The following IQGAP2 variants were observed in gnomAD, a reference collection of about 807,000 sequenced individuals.
IQGAP2 encodes the protein IQ motif containing GTPase activating protein 2.
A neutral mutation model predicts 201.3 loss-of-function variants in IQGAP2; 173 were observed. That is an observed-to-expected ratio of 0.86 (90% confidence interval 0.76 to 0.98). The LOEUF is 0.98. IQGAP2 is among the 50% of genes least tolerant of loss of function. The probability of loss-of-function intolerance (pLI) is 0.00; values close to 1 mark genes in which losing one functional copy is unlikely to be tolerated. For synonymous variants in IQGAP2, 675 were observed against 673.9 expected (o/e 1.00, Z -0.03); for missense variants, 1,687 against 1,864.8 (o/e 0.90, Z 1.76).
intron 1 of IQGAP2, among the ~76,000 whole-genome samples, chr5:76,461,139 A>G (rs1754426034): frequency 6.6e-6 from 1 of 151,962 alleles, no homozygotes. Flanking sequence ...CAGCCTTCCA[A>G]AGTGCTGGGA....
intron 1 of IQGAP2, among the ~76,000 whole-genome samples, chr5:76,447,250 A>C (rs1213536737): frequency 6.6e-6 from 1 of 152,176 alleles, no homozygotes; most frequent in African/African-American, 2.4e-5. Context: ...GAGGCTTGCA[A>C]CTTAGCTCAC....
chr5:76,573,997 G>A (rs1214170639), intron 4 of IQGAP2, among the ~76,000 whole-genome samples: 1 of 151,928 alleles, frequency 6.6e-6, no homozygotes, highest in African/African-American at 2.4e-5. Flanking sequence ...AAATTTCTTA[G>A]GCTACTGCCA....
At chr5:76,632,183 G>A (rs1267834933) in intron 15 of IQGAP2, among the ~76,000 whole-genome samples, 157 bp downstream of exon 15, 1 of 152,102 alleles carries the variant, frequency 6.6e-6, no homozygotes, top group African/African-American at 2.4e-5. Flanking sequence ...AGTTTTAGAT[G>A]TTTCTTTTTA....
intron 2 of IQGAP2, among the ~76,000 whole-genome samples, chr5:76,526,052 T>C (rs147565286): frequency 9.2e-5 from 14 of 152,326 alleles, no homozygotes; most frequent in African/African-American, 3.1e-4. Flanking sequence ...AAACAAGAGC[T>C]TGTGGATCTC....
Position 76,682,516 on chromosome 5 carries a change from A to G in IQGAP2, c.3661-599A>G, listed in dbSNP as rs538034286. Among the ~76,000 whole-genome samples, 125 of 151,830 alleles carry G rather than the reference A, an allele frequency of 8.2e-4. 1 individual carries two copies. Among genetic ancestry groups the G allele is most frequent in the South Asian group, 6.3e-4 (3 of 4,792 alleles). Reference sequence around the variant, plus strand: ...TTCATGGTTTCCCCCGAGTGCTGCTACCCCTCAGGAGTTAATACTGTTTCC... The same window carrying G: ...TTCATGGTTTCCCCCGAGTGCTGCTGCCCCTCAGGAGTTAATACTGTTTCC... On this transcript the variant is annotated intron_variant, in intron 28 of 35. Transcript: ENST00000274364.
intron 20 of IQGAP2, among the ~76,000 whole-genome samples, chr5:76,655,484 G>A (rs1752841002): frequency 6.6e-6 from 1 of 152,112 alleles, no homozygotes; most frequent in East Asian, 1.9e-4. Context: ...GTCTCACACT[G>A]TCGCCCAGGC....
intron 12 of IQGAP2, among the ~76,000 whole-genome samples, chr5:76,610,591 C>A (rs1157729914): frequency 1.3e-5 from 2 of 151,726 alleles, no homozygotes; most frequent in East Asian, 3.9e-4. Context: ...AAATAAAAAC[C>A]AGCAGCTGGG....
intron 2 of IQGAP2, among the ~76,000 whole-genome samples, chr5:76,540,993 A>G (rs957677045): frequency 2.0e-5 from 3 of 152,236 alleles, no homozygotes; most frequent in Non-Finnish European, 4.4e-5. Context: ...TAATCTACAC[A>G]TATCACAGCT....
At chr5:76,478,710 G>A in intron 2 of IQGAP2, among the ~76,000 whole-genome samples, 1 of 152,184 alleles carries the variant, frequency 6.6e-6, no homozygotes, top group East Asian at 1.9e-4. Flanking sequence ...GTGTAGCCCA[G>A]GAGCAATAGG....
At chr5:76,623,857 G>T (rs1441309252) in intron 13 of IQGAP2, among the ~76,000 whole-genome samples, 1 of 151,088 alleles carries the variant, frequency 6.6e-6, no homozygotes, top group East Asian at 1.9e-4. Context: ...ATTTCAGTTT[G>T]TCGTCAGTGC....
chr5:76,691,626 G>A (rs1189071043), intron 30 of IQGAP2: 2 of 152,130 alleles, frequency 1.3e-5, no homozygotes, highest in African/African-American at 4.8e-5. Context: ...TTGAGTCTCT[G>A]TGGAGTATTT....
chr5:76,496,720 CTTTCT>C (rs1235346022), intron 2 of IQGAP2, among the ~76,000 whole-genome samples: 24 of 17,830 alleles, frequency 1.3e-3, no homozygotes, highest in Non-Finnish European at 1.8e-3. Flanking sequence ...TTCTTTCTTT[CTTTCT>C]TTTCTTTCTT....
chr5:76,431,045 C>T (rs1292222768), intron 1 of IQGAP2, among the ~76,000 whole-genome samples: 1 of 151,944 alleles, frequency 6.6e-6, no homozygotes, highest in African/African-American at 2.4e-5. Flanking sequence ...AACATGTATG[C>T]AATGATTCAT....
chr5:76,587,009 A>G (rs79626461), intron 5 of IQGAP2, among the ~76,000 whole-genome samples: 1,591 of 152,312 alleles, frequency 0.01, 13 homozygotes, highest in Middle Eastern at 0.017. Flanking sequence ...AAAGTCATTG[A>G]ACCCAGGAAG....
At chr5:76,675,702 A>T (rs1004274931) in intron 27 of IQGAP2, among the ~76,000 whole-genome samples, 1 of 152,154 alleles carries the variant, frequency 6.6e-6, no homozygotes, top group Non-Finnish European at 1.5e-5. Context: ...CTCATTTCTC[A>T]TTCCTCGGTC....
At chr5:76,549,439 A>G (rs1303556420) in intron 2 of IQGAP2, among the ~76,000 whole-genome samples, 1 of 151,888 alleles carries the variant, frequency 6.6e-6, no homozygotes, top group African/African-American at 2.4e-5. Flanking sequence ...AGTCAAACTA[A>G]TAAGTATTAT....
chr5:76,650,513 A>G (rs945063784), intron 17 of IQGAP2, among the ~76,000 whole-genome samples: 2 of 152,210 alleles, frequency 1.3e-5, no homozygotes, highest in African/African-American at 4.8e-5. Context: ...GTATCATAAT[A>G]TGTGTGGTAA....
chr5:76,570,174 T>C (rs1428579121), intron 3 of IQGAP2, among the ~76,000 whole-genome samples: 1 of 152,220 alleles, frequency 6.6e-6, no homozygotes, highest in East Asian at 1.9e-4. Flanking sequence ...AATGTAGTCT[T>C]CTAAAAATCC....
chr5:76,655,032 AG>A (rs1752802695), intron 20 of IQGAP2, 29 bp downstream of exon 20: 1 of 1,540,404 alleles, frequency 6.5e-7, no homozygotes. Flanking sequence ...AAACAAAGCA[AG>A]GATTTTTTAT....
Sources: gnomAD v4.1 joint callset for allele counts (sites outside exome capture counted in the v4.1 genomes callset) on GRCh38, gnomAD v4.1.1 for gene constraint, MANE v1.5 for transcripts, NCBI Gene and HGNC (gene_info 2026-07-23, HGNC 2026-07-21) for gene names.